The following PRR5L variants were observed in gnomAD, a reference collection of about 807,000 sequenced individuals.
PRR5L encodes proline rich 5 like.
A neutral mutation model predicts 36.4 loss-of-function variants in PRR5L; 21 were observed. That is an observed-to-expected ratio of 0.58 (90% CI 0.41 to 0.83). PRR5L has a LOEUF of 0.83. Ranked by LOEUF, PRR5L falls within the 40% of genes least tolerant of loss-of-function variation. The pLI is 0.00. For synonymous variants in PRR5L, 188 were observed against 197.0 expected (o/e 0.95, Z 0.38); for missense variants, 381 against 473.3 (o/e 0.80, Z 1.81).
chr11:36,315,245 C>T (rs1017922767), intron 1 of PRR5L, among the ~76,000 whole-genome samples: 3 of 152,064 alleles, frequency 2.0e-5, no homozygotes, highest in Admixed American at 6.6e-5. Flanking sequence ...ATACTGCATG[C>T]AAAAACAGAG....
intron 1 of PRR5L, chr11:36,376,237 A>G: frequency 1.6e-6 from 2 of 1,249,602 alleles, no homozygotes; most frequent in Non-Finnish European, 2.1e-6. Context: ...GATGGGGTGA[A>G]GTGAGTTGGG....
intron 1 of PRR5L, among the ~76,000 whole-genome samples, chr11:36,359,720 T>C (rs1857065468): frequency 6.6e-6 from 1 of 152,182 alleles, no homozygotes; most frequent in Non-Finnish European, 1.5e-5. Context: ...GACTGGTCTA[T>C]AACAGAAACT....
intron 1 of PRR5L, among the ~76,000 whole-genome samples, chr11:36,342,215 G>C (rs1379704892): frequency 6.6e-6 from 1 of 152,168 alleles, no homozygotes; most frequent in Non-Finnish European, 1.5e-5. Context: ...GCTTAGCCTA[G>C]TACCAGTCTG....
intron 1 of PRR5L, among the ~76,000 whole-genome samples, chr11:36,301,342 C>T (rs553544955): frequency 1.3e-4 from 20 of 152,048 alleles, no homozygotes; most frequent in African/African-American, 4.6e-4. Flanking sequence ...TGAGGCAGGA[C>T]GGGGACACAC....
intron 1 of PRR5L, among the ~76,000 whole-genome samples, chr11:36,306,978 G>A (rs1319141276): frequency 6.6e-6 from 1 of 152,114 alleles, no homozygotes; most frequent in African/African-American, 2.4e-5. Context: ...GGTTGGTAGT[G>A]ATGACTACAA....
intron 1 of PRR5L, among the ~76,000 whole-genome samples, chr11:36,384,965 C>T (rs1034805459): frequency 2.0e-5 from 3 of 152,090 alleles, no homozygotes; most frequent in Non-Finnish European, 4.4e-5. Flanking sequence ...GGCACTGCAC[C>T]CAGCCTTATC....
chr11:36,454,960 C>T (rs1403918631), intron 8 of PRR5L: 2 of 152,322 alleles, frequency 1.3e-5, no homozygotes, highest in African/African-American at 4.8e-5. Flanking sequence ...GCCGACTCCT[C>T]AGAGGCTGGC....
intron 1 of PRR5L, among the ~76,000 whole-genome samples, chr11:36,341,944 T>C (rs1294506872): frequency 6.6e-6 from 1 of 152,226 alleles, no homozygotes; most frequent in Admixed American, 6.5e-5. Context: ...GAAAGAAATG[T>C]TGGGTGGACA....
intron 1 of PRR5L, among the ~76,000 whole-genome samples, chr11:36,334,061 G>A (rs987592907): frequency 6.6e-6 from 1 of 152,110 alleles, no homozygotes. Context: ...CATGGAGGAA[G>A]GGCCAAAGAA....
At chr11:36,417,325 A>T (rs1449309811) in intron 3 of PRR5L, among the ~76,000 whole-genome samples, 1 of 152,186 alleles carries the variant, frequency 6.6e-6, no homozygotes, top group Non-Finnish European at 1.5e-5. Flanking sequence ...TGTGGTCAGA[A>T]GCAATCTCCT....
intron 1 of PRR5L, among the ~76,000 whole-genome samples, chr11:36,310,136 A>C (rs1351187845): frequency 6.6e-6 from 1 of 152,018 alleles, no homozygotes; most frequent in Non-Finnish European, 1.5e-5. Flanking sequence ...TGGTACCCCA[A>C]TTTACTCTGT....
intron 1 of PRR5L, among the ~76,000 whole-genome samples, chr11:36,358,940 T>G (rs1857056717): frequency 6.6e-6 from 1 of 152,234 alleles, no homozygotes; most frequent in South Asian, 2.1e-4. Flanking sequence ...TTTTGCATTT[T>G]ACTTATTGAC....
intron 1 of PRR5L, among the ~76,000 whole-genome samples, chr11:36,343,443 T>A (rs1856835377): frequency 6.6e-6 from 1 of 152,206 alleles, no homozygotes; most frequent in Non-Finnish European, 1.5e-5. Flanking sequence ...CAACCTTGCC[T>A]CTGAAATATG....
rs1423362240 is a variant in PRR5L, at chr11:36,370,684, A to T, written c.-125-30313A>T. 3.3e-5 allele frequency among the ~76,000 whole-genome samples: 5 copies of T among 152,336 alleles called. 1 individual carries two copies. The highest frequency in any genetic ancestry group is 3.3e-4 in the Admixed American group (5 of 15,302). ...ATCACAAGGTCAGGAGTTTGAGACC[A>T]GCCTGGCCAACCTGGTGAAACCCCA... is the stretch of plus-strand genomic sequence containing the variant. On this transcript the variant is annotated intron_variant, in intron 1 of 8. Transcript: ENST00000530639.
intron 1 of PRR5L, among the ~76,000 whole-genome samples, chr11:36,355,202 T>C (rs1056670608): frequency 6.6e-6 from 1 of 152,206 alleles, no homozygotes; most frequent in African/African-American, 2.4e-5. Flanking sequence ...AAGACAGCAA[T>C]GTTTTACGGT....
chr11:36,406,433 A>C (rs756113952), intron 3 of PRR5L, among the ~76,000 whole-genome samples: 1 of 152,212 alleles, frequency 6.6e-6, no homozygotes, highest in Non-Finnish European at 1.5e-5. Context: ...CAGAGGATGG[A>C]GATAGGCTTT....
chr11:36,386,821 T>C (rs1013980507), intron 1 of PRR5L, among the ~76,000 whole-genome samples: 3 of 152,206 alleles, frequency 2.0e-5, no homozygotes, highest in South Asian at 2.1e-4. Flanking sequence ...ACTGAGGGAA[T>C]AGATGCAAAT....
At chr11:36,442,331 C>G (rs1416335609) in intron 6 of PRR5L, among the ~76,000 whole-genome samples, 3 of 142,876 alleles carry the variant, frequency 2.1e-5, no homozygotes, top group Non-Finnish European at 4.5e-5. Flanking sequence ...ATCTTGAATG[C>G]TTTGTTTCTT....
At chr11:36,365,027 C>T (rs182741882) in intron 1 of PRR5L, among the ~76,000 whole-genome samples, 26 of 152,300 alleles carry the variant, frequency 1.7e-4, no homozygotes, top group Admixed American at 4.6e-4. Context: ...AAGGATTAAA[C>T]GAGTTACTAT....
Sources: gnomAD v4.1 joint callset for allele counts (sites outside exome capture counted in the v4.1 genomes callset) on GRCh38, gnomAD v4.1.1 for gene constraint, MANE v1.5 for transcripts, NCBI Gene and HGNC (gene_info 2026-07-23, HGNC 2026-07-21) for gene names.